Variants in PAIP2B observed in about 807,000 individuals in gnomAD.
The protein encoded by PAIP2B is polyadenylate-binding protein-interacting protein 2B.
PAIP2B carries 13 observed loss-of-function variants against 17.0 expected under a neutral mutation model. That is an observed-to-expected ratio of 0.76 (90% CI 0.50 to 1.22). The LOEUF is 1.22. Among genes scored for constraint, PAIP2B ranks in the 50% most tolerant of loss-of-function variants. The pLI, the probability that PAIP2B is intolerant of heterozygous loss-of-function variation, is 0.00. For missense variants in PAIP2B, 117 were observed against 144.5 expected (o/e 0.81, Z 0.98); for synonymous variants, 43 against 48.7 (o/e 0.88, Z 0.48).
Position 71,185,158 on chromosome 2 carries a change from C to G in PAIP2B, c.*3321G>C, listed in dbSNP as rs1674503930. On this transcript the variant is annotated 3_prime_UTR_variant, in exon 4 of 4. Coordinates refer to ENST00000244221, the MANE Select transcript of PAIP2B (RefSeq NM_020459.1). ...TTAATTATCAGAGTATTCACCTCAC[C>G]TCCTTACTTCCCAGCTTCTCCAAAA... 1 of 152,176 alleles carries G rather than the reference C, an allele frequency of 6.6e-6. No individual in the cohort carries two copies. The highest frequency in any genetic ancestry group is 1.5e-5 in the Non-Finnish European group (1 of 68,040). The allele number at this position is 152,176 out of a possible 1,614,324, so 9.4% of individuals were successfully genotyped here.
intron 2 of PAIP2B, among the ~76,000 whole-genome samples, chr2:71,199,535 C>T (rs1674921421): frequency 6.6e-6 from 1 of 151,586 alleles, no homozygotes; most frequent in South Asian, 2.1e-4. Context: ...TATAATTACA[C>T]TTCTCCCTTT....
At chr2:71,194,233 A>T (rs372781743) in intron 2 of PAIP2B, among the ~76,000 whole-genome samples, 1 of 132,772 alleles carries the variant, frequency 7.5e-6, no homozygotes, top group Non-Finnish European at 1.7e-5. Flanking sequence ...ATTTTGAAAT[A>T]TTTTTTTCTA....
chr2:71,190,455 AT>A, intron 2 of PAIP2B, among the ~76,000 whole-genome samples: 1 of 152,124 alleles, frequency 6.6e-6, no homozygotes, highest in African/African-American at 2.4e-5. Context: ...TAAAAAAAAG[AT>A]TTTATGATCT....
At chr2:71,204,990 T>G (rs1675090087) in intron 1 of PAIP2B, among the ~76,000 whole-genome samples, 1 of 151,798 alleles carries the variant, frequency 6.6e-6, no homozygotes, top group South Asian at 2.1e-4. Context: ...AATCTTCCTG[T>G]GCCCAAAAAG....
At chr2:71,194,581 A>T (rs1674770765) in intron 2 of PAIP2B, among the ~76,000 whole-genome samples, 1 of 151,696 alleles carries the variant, frequency 6.6e-6, no homozygotes, top group Admixed American at 6.6e-5. Flanking sequence ...TTGTACATTG[A>T]TTTTGTATTC....
In PAIP2B at chr2:71,186,978, C is replaced by T. The variant is rs1481995003; in HGVS notation, c.*1501G>A. 1 of 152,270 alleles carries T rather than the reference C, an allele frequency of 6.6e-6. No individual in the cohort carries two copies. Among genetic ancestry groups the T allele is most frequent in the African/African-American group, 2.4e-5 (1 of 41,450 alleles). The allele number at this position is 152,270 out of a possible 1,614,324, so 9.4% of individuals were successfully genotyped here. A position where few individuals can be genotyped will look rare whatever the true frequency, so the allele number is the denominator to read the frequency against. Reference sequence around the variant, plus strand: ...CTAGTCCTTTCCTTCCAACCTCTGTCCCACAGCCACATACTGAATTTATAC... The same window carrying T: ...CTAGTCCTTTCCTTCCAACCTCTGTTCCACAGCCACATACTGAATTTATAC... On this transcript the variant is annotated 3_prime_UTR_variant, in exon 4 of 4. Transcript: ENST00000244221.
intron 1 of PAIP2B, among the ~76,000 whole-genome samples, chr2:71,206,143 A>C (rs1462439327): frequency 1.3e-5 from 2 of 152,236 alleles, no homozygotes; most frequent in African/African-American, 4.8e-5. Flanking sequence ...ACAGGTATTC[A>C]ATAAACACTG....
chr2:71,188,493 C>G lies in PAIP2B; in HGVS notation c.358G>C (p.Gly120Arg). The stretch of plus-strand genomic sequence containing the variant: ...GCTTTCTCGGCTCAGTACTTCTCTC[C>G]TGGAATAAACTCCTTGGCATCTGGG... ...LNPDAKEFIPGEKY is the reference protein window; with the variant it reads ...LNPDAKEFIPREKY Residue 120 changes from glycine to arginine, a missense_variant, in exon 4 of 4, where the codon GGA (glycine) becomes CGA (arginine). Physicochemically the swap from Gly to Arg is moderately radical, Grantham distance 125. Coordinates refer to ENST00000244221, the MANE Select transcript of PAIP2B (RefSeq NM_020459.1). 6.2e-7 allele frequency: 1 copy of G among 1,610,422 alleles called. No homozygotes were observed.
At chr2:71,216,644 G>A (rs931443995) in intron 1 of PAIP2B, among the ~76,000 whole-genome samples, 3 of 152,132 alleles carry the variant, frequency 2.0e-5, no homozygotes, top group South Asian at 2.1e-4. Context: ...TTATAAATGC[G>A]AATTCTCAGG....
chr2:71,214,034 T>C (rs1020086801), intron 1 of PAIP2B, among the ~76,000 whole-genome samples: 3 of 152,276 alleles, frequency 2.0e-5, no homozygotes, highest in Admixed American at 6.5e-5. Context: ...TAGAGACAGG[T>C]CTCACTATGA....
chr2:71,203,598 T>C (rs1675043014), intron 1 of PAIP2B, among the ~76,000 whole-genome samples: 1 of 152,050 alleles, frequency 6.6e-6, no homozygotes, highest in African/African-American at 2.4e-5. Context: ...TCTTAAGATA[T>C]GTTTACTGGC....
At chr2:71,215,514 G>A (rs1286815227) in intron 1 of PAIP2B, among the ~76,000 whole-genome samples, 1 of 152,204 alleles carries the variant, frequency 6.6e-6, no homozygotes, top group Admixed American at 6.5e-5. Context: ...TTCTCTGAGG[G>A]GTAAGGGGAG....
chr2:71,193,577 A>G (rs11682389), intron 2 of PAIP2B, among the ~76,000 whole-genome samples: 9,946 of 152,190 alleles, frequency 0.065, 357 homozygotes, highest in African/African-American at 0.088. Flanking sequence ...GGTTTTAGCC[A>G]GGTGCAGTGG....
At chr2:71,205,241 G>A (rs1417308649) in intron 1 of PAIP2B, among the ~76,000 whole-genome samples, 1 of 152,138 alleles carries the variant, frequency 6.6e-6, no homozygotes, top group Non-Finnish European at 1.5e-5. Flanking sequence ...GTCAATACTA[G>A]GCAAGTGATT....
chr2:71,216,752 G>A (rs1372049390), intron 1 of PAIP2B, among the ~76,000 whole-genome samples: 1 of 152,142 alleles, frequency 6.6e-6, no homozygotes, highest in Non-Finnish European at 1.5e-5. Flanking sequence ...CTGGCATATA[G>A]CACTTAGAAA....
rs747236845 is a variant in PAIP2B, at chr2:71,188,506, C to T, written c.345G>A (p.Lys115=). Residue 115 remains lysine (K), a synonymous_variant, in exon 4 of 4, where the codon AAG becomes AAA. Transcript: ENST00000244221. ...LSKSNLNPDA[K]EFIPGEKY ...AGTACTTCTCTCCTGGAATAAACTC[C>T]TTGGCATCTGGGTTCAGGTTACTTT... 17 of 1,610,692 alleles carry T rather than the reference C, an allele frequency of 1.1e-5. No individual in the cohort carries two copies. Among genetic ancestry groups the T allele is most frequent in the Admixed American group, 5.0e-5 (3 of 59,648 alleles).
chr2:71,189,046 C>T (rs868685367), intron 3 of PAIP2B, among the ~76,000 whole-genome samples: 58 of 144,366 alleles, frequency 4.0e-4, no homozygotes, highest in Middle Eastern at 8.0e-3. Flanking sequence ...TGCTCTGTTG[C>T]CCAGGCTGGA....
At chr2:71,193,033 G>A (rs1674726170) in intron 2 of PAIP2B, among the ~76,000 whole-genome samples, 1 of 152,206 alleles carries the variant, frequency 6.6e-6, no homozygotes, top group African/African-American at 2.4e-5. Flanking sequence ...AATGGCTGAA[G>A]TAATTTACAC....
intron 2 of PAIP2B, among the ~76,000 whole-genome samples, chr2:71,198,565 G>C (rs980421154): frequency 1.3e-5 from 2 of 152,098 alleles, no homozygotes; most frequent in African/African-American, 4.8e-5. Context: ...GATTACAGGC[G>C]TGAGCCACCG....
Sources: gnomAD v4.1 joint callset for allele counts (sites outside exome capture counted in the v4.1 genomes callset) on GRCh38, gnomAD v4.1.1 for gene constraint, MANE v1.5 for transcripts, NCBI Gene and HGNC (gene_info 2026-07-23, HGNC 2026-07-21) for gene names.